The following LRRTM4 variants were observed in gnomAD, a reference collection of about 807,000 sequenced individuals.
LRRTM4 encodes the protein leucine-rich repeat transmembrane neuronal protein 4.
A neutral mutation model predicts 47.6 loss-of-function variants in LRRTM4; 25 were observed. That is an observed-to-expected ratio of 0.53 (90% CI 0.38 to 0.73). LRRTM4 has a LOEUF of 0.73. Among genes scored for constraint, LRRTM4 ranks in the 30% least tolerant of loss-of-function variants. LRRTM4 has a pLI of 0.00. For missense variants in LRRTM4, 638 were observed against 713.4 expected (o/e 0.89, Z 1.20); for synonymous variants, 311 against 269.5 (o/e 1.15, Z -1.51).
At chr2:77,354,107 A>G (rs1352127444) in intron 3 of LRRTM4, among the ~76,000 whole-genome samples, 2 of 152,166 alleles carry the variant, frequency 1.3e-5, no homozygotes, top group African/African-American at 2.4e-5. Context: ...GGTCACTGCT[A>G]TGGAAAGGGG....
At chr2:77,339,998 A>G (rs1262220521) in intron 3 of LRRTM4, among the ~76,000 whole-genome samples, 1 of 152,014 alleles carries the variant, frequency 6.6e-6, no homozygotes, top group Non-Finnish European at 1.5e-5. Flanking sequence ...AAAAGAGTCT[A>G]CATGAAACCG....
At chr2:76,912,219 G>A (rs764291540) in intron 3 of LRRTM4, among the ~76,000 whole-genome samples, 4 of 152,058 alleles carry the variant, frequency 2.6e-5, no homozygotes, top group African/African-American at 7.2e-5. Context: ...GCCCCTGGCC[G>A]ATATGTGCTT....
At chr2:77,026,669 A>T (rs566651285) in intron 3 of LRRTM4, among the ~76,000 whole-genome samples, 12 of 152,042 alleles carry the variant, frequency 7.9e-5, no homozygotes, top group Non-Finnish European at 1.5e-4. Context: ...TCATAGAAAA[A>T]GTAAAATTCT....
At chr2:77,328,065 G>A (rs1573259756) in intron 3 of LRRTM4, among the ~76,000 whole-genome samples, 1 of 152,164 alleles carries the variant, frequency 6.6e-6, no homozygotes, top group East Asian at 1.9e-4. Flanking sequence ...CGTGTGTTGA[G>A]AGACATGGCA....
At chr2:76,832,033 G>A (rs1280479995) in intron 3 of LRRTM4, among the ~76,000 whole-genome samples, 2 of 152,038 alleles carry the variant, frequency 1.3e-5, no homozygotes, top group Non-Finnish European at 2.9e-5. Flanking sequence ...TTATGAAGAT[G>A]CCGGATACAC....
chr2:77,441,676 T>C (rs1359879177), intron 3 of LRRTM4, among the ~76,000 whole-genome samples: 3 of 152,174 alleles, frequency 2.0e-5, no homozygotes, highest in Non-Finnish European at 4.4e-5. Context: ...AGTTGATATA[T>C]AGAATCACAA....
At chr2:76,915,201 T>C (rs1674202491) in intron 3 of LRRTM4, among the ~76,000 whole-genome samples, 3 of 151,954 alleles carry the variant, frequency 2.0e-5, no homozygotes, top group Admixed American at 1.3e-4. Context: ...GGAGTGAGAG[T>C]AGTGAGAAGG....
chr2:76,920,265 A>G lies in LRRTM4; in HGVS notation c.1552-171349T>C, dbSNP rs1327565321. ...CTATAGAAATAAAAATATTTTCACC[A>G]AAAAGTATAAACATTGATGTAAACC... On this transcript the variant is annotated intron_variant, in intron 3 of 3. Coordinates refer to ENST00000409884, the MANE Select transcript of LRRTM4 (RefSeq NM_001134745.3). 2.6e-5 allele frequency among the ~76,000 whole-genome samples: 4 copies of G among 152,162 alleles called. No homozygotes were observed. In the East Asian group the frequency reaches 7.7e-4, roughly 29 times the overall value.
At chr2:76,869,979 A>G (rs1672577098) in intron 3 of LRRTM4, among the ~76,000 whole-genome samples, 1 of 152,196 alleles carries the variant, frequency 6.6e-6, no homozygotes, top group Non-Finnish European at 1.5e-5. Flanking sequence ...ACACTACAAC[A>G]TAAACATAAA....
intron 3 of LRRTM4, among the ~76,000 whole-genome samples, chr2:76,762,876 G>C (rs1341171511): frequency 2.6e-5 from 4 of 152,116 alleles, no homozygotes; most frequent in African/African-American, 7.2e-5. Flanking sequence ...TGTGAAGCAG[G>C]AAGTTTGTGT....
intron 3 of LRRTM4, among the ~76,000 whole-genome samples, chr2:77,148,773 A>T (rs1355930479): frequency 1.3e-5 from 2 of 152,196 alleles, no homozygotes; most frequent in African/African-American, 2.4e-5. Context: ...GTGAACTCCT[A>T]TCAAGGATTG....
chr2:77,302,966 T>C (rs745747067), intron 3 of LRRTM4, among the ~76,000 whole-genome samples: 5 of 152,108 alleles, frequency 3.3e-5, no homozygotes, highest in Admixed American at 6.6e-5. Flanking sequence ...TGGAAGCTCC[T>C]GGAAACAGAA....
intron 3 of LRRTM4, among the ~76,000 whole-genome samples, chr2:76,997,661 G>C (rs919034380): frequency 6.6e-6 from 1 of 152,066 alleles, no homozygotes. Flanking sequence ...GACAGAGCTA[G>C]AGAAAATTGA....
intron 3 of LRRTM4, among the ~76,000 whole-genome samples, chr2:77,148,424 ATT>A (rs1672317496): frequency 6.6e-6 from 1 of 152,184 alleles, no homozygotes; most frequent in Non-Finnish European, 1.5e-5. Flanking sequence ...AAATTTCATC[ATT>A]CTTTTTTTCC....
intron 3 of LRRTM4, among the ~76,000 whole-genome samples, chr2:77,496,500 T>C (rs1678369449): frequency 6.6e-6 from 1 of 151,858 alleles, no homozygotes; most frequent in Admixed American, 6.6e-5. Context: ...AGAAGTTCCC[T>C]GCTATTCCTA....
chr2:76,888,721 T>C lies in LRRTM4; in HGVS notation c.1552-139805A>G, dbSNP rs555330625. On this transcript the variant is annotated intron_variant, in intron 3 of 3. Coordinates refer to ENST00000409884, the MANE Select transcript of LRRTM4 (RefSeq NM_001134745.3). The stretch of plus-strand genomic sequence containing the variant: ...CTGCTTTCGTTGCCTTTTTTGTTTT[T>C]CTTTTAGTACTATGTATTTTGTTCT... Among the ~76,000 whole-genome samples, 6 of 151,982 alleles carry C rather than the reference T, an allele frequency of 3.9e-5. No homozygotes were observed. The South Asian group carries it at 1.2e-3, about 31-fold the overall frequency.
chr2:77,391,191 CTT>C (rs1002007712), intron 3 of LRRTM4, among the ~76,000 whole-genome samples: 2 of 151,826 alleles, frequency 1.3e-5, no homozygotes, highest in African/African-American at 4.8e-5. Context: ...AGCTTTATAA[CTT>C]TATATTCTTT....
intron 3 of LRRTM4, among the ~76,000 whole-genome samples, chr2:76,784,615 T>A (rs1022361148): frequency 6.6e-6 from 1 of 152,098 alleles, no homozygotes; most frequent in African/African-American, 2.4e-5. Flanking sequence ...TAAGTTGTAT[T>A]TACTATGGGG....
At chr2:76,819,743 A>G (rs1671001817) in intron 3 of LRRTM4, among the ~76,000 whole-genome samples, 1 of 151,968 alleles carries the variant, frequency 6.6e-6, no homozygotes, top group African/African-American at 2.4e-5. Flanking sequence ...GAAAATAGAT[A>G]ATGCCACAGG....
Sources: allele counts gnomAD v4.1 joint callset (sites outside exome capture counted in the v4.1 genomes callset), GRCh38; gene constraint gnomAD v4.1.1; transcripts MANE v1.5; gene names NCBI Gene and HGNC (gene_info 2026-07-23, HGNC 2026-07-21).